The following ERC2 variants were observed in gnomAD, a reference collection of about 807,000 sequenced individuals.
ERC2 encodes the protein ERC protein 2.
Under a neutral mutation model 114.8 loss-of-function variants are expected in ERC2, and 42 were observed. That is an observed-to-expected ratio of 0.37 (90% confidence interval 0.29 to 0.47). The LOEUF (loss-of-function observed/expected upper bound fraction) is 0.47, where lower values mean the gene tolerates loss of function less well. Among genes scored for constraint, ERC2 ranks in the 20% least tolerant of loss-of-function variants. The pLI, the probability that ERC2 is intolerant of heterozygous loss-of-function variation, is 0.99. For missense variants in ERC2, 939 were observed against 1,150.7 expected, an observed-to-expected ratio of 0.82 and a Z score of 2.66; for synonymous variants, 454 against 425.5, an observed-to-expected ratio of 1.07 and a Z score of -0.82.
intron 2 of ERC2, among the ~76,000 whole-genome samples, chr3:56,387,235 T>C (rs2059964682): frequency 6.6e-6 from 1 of 152,212 alleles, no homozygotes; most frequent in Admixed American, 6.5e-5. Context: ...AAATTATTTA[T>C]AATTACTATG....
At chr3:56,266,030 AAAAATAAAATAAAAT>A (rs200509039) in intron 3 of ERC2, among the ~76,000 whole-genome samples, 35,312 of 122,466 alleles carry the variant, frequency 0.29, 5,590 homozygotes, top group Admixed American at 0.4. Flanking sequence ...ATCCGACCAA[AAAAATAAAATAAAAT>A]AAAATAAAAT....
At chr3:55,597,149 G>A (rs1024059910) in intron 17 of ERC2, among the ~76,000 whole-genome samples, 5 of 152,170 alleles carry the variant, frequency 3.3e-5, no homozygotes, top group African/African-American at 7.2e-5. Flanking sequence ...GGCCGGGCGC[G>A]GTGGCTCACG....
rs13353462 is a variant in ERC2, at chr3:56,165,015, T to C, written c.1149+8431A>G. On this transcript the variant is annotated intron_variant, in intron 4 of 17. Transcript: ENST00000288221. The stretch of plus-strand genomic sequence containing the variant: ...TAATTAAAGTATTAATATAAGAAAG[T>C]ACACAAATCATAGACTTTCAAAATG... Among the ~76,000 whole-genome samples the C allele has an allele frequency of 4.8e-3, 731 of 152,086 alleles. 11 individuals are homozygous for C. Among genetic ancestry groups the C allele is most frequent in the African/African-American group, 0.016 (683 of 41,514 alleles).
At chr3:56,393,726 T>G (rs2060207543) in intron 2 of ERC2, among the ~76,000 whole-genome samples, 1 of 152,178 alleles carries the variant, frequency 6.6e-6, no homozygotes. Context: ...TCAAAAATTC[T>G]CAAACCAAGA....
intron 2 of ERC2, among the ~76,000 whole-genome samples, chr3:56,414,584 G>C (rs954400953): frequency 6.6e-6 from 1 of 152,020 alleles, no homozygotes; most frequent in African/African-American, 2.4e-5. Flanking sequence ...AATTAGCCGG[G>C]TGTAGTGGCA....
rs150073131 is a variant in ERC2 at position 56,282,669 on chromosome 3, C to T, written c.1074+13350G>A. Among the ~76,000 whole-genome samples the T allele has an allele frequency of 1.2e-3, 173 of 142,520 alleles. 1 individual carries two copies. The highest frequency in any genetic ancestry group is 2.1e-3 in the Non-Finnish European group (135 of 63,476). The allele number at this position is 142,520 out of a possible 152,430, so 93.5% of individuals were successfully genotyped here. ...TGCTTGCAGCTAGAAGATCTTCCAT[C>T]TAACAGTGGTGCTGCTGCTGCTGCT... On this transcript the variant is annotated intron_variant, in intron 3 of 17. Transcript: ENST00000288221.
chr3:56,083,985 C>A lies in ERC2; in HGVS notation c.1474-3001G>T, dbSNP rs76895892. ...ATTTTCAAACATTTTGCTTCCTTATCCTATAGGCAAGTAAAATTTGAATGG... is the reference window on the plus strand; with the variant it reads ...ATTTTCAAACATTTTGCTTCCTTATACTATAGGCAAGTAAAATTTGAATGG... On this transcript the variant is annotated intron_variant, in intron 6 of 17. Transcript: ENST00000288221. 5.6e-3 allele frequency among the ~76,000 whole-genome samples: 843 copies of A among 151,176 alleles called. 5 individuals are homozygous for A. Among genetic ancestry groups the A allele is most frequent in the Middle Eastern group, 0.021 (6 of 292 alleles).
chr3:56,263,319 C>A (rs1457227338), intron 3 of ERC2, among the ~76,000 whole-genome samples: 5 of 150,646 alleles, frequency 3.3e-5, no homozygotes, highest in African/African-American at 1.2e-4. Context: ...TCTGGAAGAG[C>A]TTAGCAGTCT....
intron 13 of ERC2, among the ~76,000 whole-genome samples, chr3:55,948,187 T>C (rs1017785487): frequency 2.0e-5 from 3 of 152,220 alleles, no homozygotes; most frequent in Non-Finnish European, 4.4e-5. Flanking sequence ...CCACTAGCTA[T>C]TATTGTTGTA....
chr3:55,877,990 G>T (rs1170450167), intron 14 of ERC2, among the ~76,000 whole-genome samples: 1 of 152,066 alleles, frequency 6.6e-6, no homozygotes, highest in African/African-American at 2.4e-5. Context: ...GGCCAAGACT[G>T]CCTCCTCTGA....
intron 17 of ERC2, among the ~76,000 whole-genome samples, chr3:55,651,014 A>ATTT (rs71096493): frequency 6.0e-3 from 578 of 96,232 alleles, no homozygotes; most frequent in Non-Finnish European, 7.3e-3. Context: ...CACCCAGCTA[A>ATTT]TTTTTTTTTT....
intron 15 of ERC2, among the ~76,000 whole-genome samples, chr3:55,709,867 A>G (rs2063684198): frequency 1.3e-5 from 2 of 152,166 alleles, no homozygotes; most frequent in South Asian, 4.1e-4. Flanking sequence ...AGGGAGAACG[A>G]GACAGGGAGA....
At chr3:56,282,331 A>T (rs2054402288) in intron 3 of ERC2, among the ~76,000 whole-genome samples, 1 of 152,256 alleles carries the variant, frequency 6.6e-6, no homozygotes, top group Admixed American at 6.5e-5. Context: ...GGAAACCAAC[A>T]TATTAAGAGA....
At chr3:56,136,881 C>A (rs936082365) in intron 6 of ERC2, among the ~76,000 whole-genome samples, 1 of 152,216 alleles carries the variant, frequency 6.6e-6, no homozygotes. Flanking sequence ...ATACTCCCAA[C>A]TTCAAAGCAG....
chr3:56,273,215 C>T (rs959483745), intron 3 of ERC2, among the ~76,000 whole-genome samples: 1 of 151,366 alleles, frequency 6.6e-6, no homozygotes, highest in African/African-American at 2.4e-5. Flanking sequence ...GCAAATGTGC[C>T]AAGATGAAAG....
intron 14 of ERC2, among the ~76,000 whole-genome samples, chr3:55,865,393 C>T (rs543832067): frequency 1.3e-5 from 2 of 152,226 alleles, no homozygotes; most frequent in Non-Finnish European, 2.9e-5. Flanking sequence ...TAAACATAGG[C>T]ATGGACTATA....
chr3:55,739,463 G>A, intron 14 of ERC2, among the ~76,000 whole-genome samples: 1 of 152,180 alleles, frequency 6.6e-6, no homozygotes, highest in Non-Finnish European at 1.5e-5. Context: ...TAACTGGTGT[G>A]AGATAGTACG....
At position 56,159,560 on chromosome 3, in the gene ERC2, C is replaced by T. The variant is rs942559526; in HGVS notation, c.1150-10428G>A. ...GGAGTATATGTACAGGTTTGTTACT[C>T]GGGTATACTGCAAGATGCTGAGGTT... is the stretch of plus-strand genomic sequence containing the variant. On this transcript the variant is annotated intron_variant, in intron 4 of 17. Transcript: ENST00000288221. 3.3e-5 allele frequency among the ~76,000 whole-genome samples: 5 copies of T among 152,124 alleles called. No homozygotes were observed. In the South Asian group the frequency reaches 6.2e-4, roughly 19 times the overall value.
intron 17 of ERC2, among the ~76,000 whole-genome samples, chr3:55,549,665 T>C (rs1015314278): frequency 6.6e-6 from 1 of 151,748 alleles, no homozygotes; most frequent in Non-Finnish European, 1.5e-5. Flanking sequence ...AGAAAGTACA[T>C]GGCACAAGAT....
Sources: gnomAD v4.1 joint callset for allele counts (sites outside exome capture counted in the v4.1 genomes callset) on GRCh38, gnomAD v4.1.1 for gene constraint, MANE v1.5 for transcripts, NCBI Gene and HGNC (gene_info 2026-07-23, HGNC 2026-07-21) for gene names.